The following SEMA3A variants were observed in gnomAD, a reference collection of about 807,000 sequenced individuals.
The protein encoded by SEMA3A is semaphorin 3A.
SEMA3A carries 29 observed loss-of-function variants against 97.9 expected under a neutral mutation model. The ratio of observed to expected loss-of-function variants is 0.30; its 90% CI spans 0.22 to 0.40. The LOEUF is 0.40. Among genes scored for constraint, SEMA3A ranks in the 10% least tolerant of loss-of-function variants. The probability of loss-of-function intolerance (pLI) is 1.00; values close to 1 mark genes in which losing one functional copy is unlikely to be tolerated. For synonymous variants in SEMA3A, 321 were observed against 323.7 expected, an observed-to-expected ratio of 0.99 and a Z score of 0.09; for missense variants, 763 against 951.3, an observed-to-expected ratio of 0.80 and a Z score of 2.60.
Position 83,959,282 on chromosome 7 carries a change from CA to C in SEMA3A, c.*2088del, listed in dbSNP as rs1413040954. ...ATCGCAAATAAATTTATTTCAGCTG[CA>C]AATTTAGAATGAAACACAACACTGA... On this transcript the variant is annotated 3_prime_UTR_variant, in exon 17 of 17. Transcript: ENST00000265362. The C allele has an allele frequency of 6.6e-6, 1 of 151,978 alleles. No homozygotes were observed. Among genetic ancestry groups the C allele is most frequent in the African/African-American group, 2.4e-5 (1 of 41,404 alleles). The allele number at this position is 151,978 out of a possible 1,614,324, so 9.4% of individuals were successfully genotyped here. A position where few individuals can be genotyped will look rare whatever the true frequency, so the allele number is the denominator to read the frequency against.
chr7:84,045,441 G>A (rs1008891798), intron 6 of SEMA3A, among the ~76,000 whole-genome samples: 1 of 151,298 alleles, frequency 6.6e-6, no homozygotes, highest in Non-Finnish European at 1.5e-5. Context: ...AGATAATTAA[G>A]TAATGATAAA....
intron 1 of SEMA3A, among the ~76,000 whole-genome samples, chr7:84,461,926 G>T (rs1323950513): frequency 6.6e-6 from 1 of 152,056 alleles, no homozygotes; most frequent in East Asian, 1.9e-4. Flanking sequence ...TCAGTAGTAG[G>T]ATTTGGAGGT....
At chr7:83,965,221 G>A (rs1010900434) in intron 15 of SEMA3A, among the ~76,000 whole-genome samples, 2 of 151,770 alleles carry the variant, frequency 1.3e-5, no homozygotes, top group African/African-American at 2.4e-5. Context: ...TTACAGGCAT[G>A]AGCCACCGCG....
chr7:84,418,989 A>T (rs987456201), intron 1 of SEMA3A, among the ~76,000 whole-genome samples: 10 of 152,040 alleles, frequency 6.6e-5, no homozygotes, highest in Non-Finnish European at 1.5e-4. Flanking sequence ...ACATACATAC[A>T]TATCTTATTG....
intron 12 of SEMA3A, among the ~76,000 whole-genome samples, chr7:83,995,339 C>G (rs746201436): frequency 6.6e-6 from 1 of 152,000 alleles, no homozygotes; most frequent in Non-Finnish European, 1.5e-5. Context: ...TTGGCTCCTC[C>G]CCCCAATAAA....
intron 4 of SEMA3A, among the ~76,000 whole-genome samples, chr7:84,064,298 C>G (rs1005735165): frequency 1.4e-4 from 22 of 152,036 alleles, no homozygotes; most frequent in African/African-American, 5.1e-4. Flanking sequence ...ACAACTGGTA[C>G]CAGCCACTGC....
intron 15 of SEMA3A, among the ~76,000 whole-genome samples, chr7:83,970,487 T>A (rs969822762): frequency 6.6e-6 from 1 of 152,162 alleles, no homozygotes; most frequent in Non-Finnish European, 1.5e-5. Flanking sequence ...CCCATAAATG[T>A]CTCGCAAGAT....
chr7:84,417,119 G>A (rs1321715415), intron 1 of SEMA3A, among the ~76,000 whole-genome samples: 2 of 151,966 alleles, frequency 1.3e-5, no homozygotes, highest in Admixed American at 1.3e-4. Flanking sequence ...CTTAATTCCA[G>A]TTCAGAGCAA....
At chr7:84,296,475 C>T (rs1453711148) in intron 3 of SEMA3A, among the ~76,000 whole-genome samples, 1 of 152,128 alleles carries the variant, frequency 6.6e-6, no homozygotes, top group East Asian at 1.9e-4. Flanking sequence ...CATCAGGTCT[C>T]ATTGCTTTCT....
chr7:84,006,584 C>T (rs115830862), intron 10 of SEMA3A, among the ~76,000 whole-genome samples: 229 of 152,172 alleles, frequency 1.5e-3, no homozygotes, highest in African/African-American at 5.0e-3. Flanking sequence ...AAGATTTCAC[C>T]GTCTCCTTTC....
intron 3 of SEMA3A, among the ~76,000 whole-genome samples, chr7:84,240,142 T>C (rs1381228945): frequency 1.3e-5 from 2 of 152,150 alleles, no homozygotes; most frequent in African/African-American, 4.8e-5. Flanking sequence ...TAGTCTATAG[T>C]ATATTCAAAT....
At chr7:84,469,851 A>C (rs1461852293) in intron 1 of SEMA3A, among the ~76,000 whole-genome samples, 1 of 152,010 alleles carries the variant, frequency 6.6e-6, no homozygotes, top group Non-Finnish European at 1.5e-5. Flanking sequence ...TACATATAAT[A>C]AGACTAATGA....
At chr7:84,130,723 T>G (rs1168254739) in intron 2 of SEMA3A, among the ~76,000 whole-genome samples, 1 of 152,084 alleles carries the variant, frequency 6.6e-6, no homozygotes, top group Non-Finnish European at 1.5e-5. Flanking sequence ...TCTATTTTTA[T>G]TTAAAGTTTA....
At chr7:84,054,743 G>T (rs1264013290) in intron 5 of SEMA3A, among the ~76,000 whole-genome samples, 4 of 147,018 alleles carry the variant, frequency 2.7e-5, no homozygotes, top group Non-Finnish European at 6.0e-5. Context: ...TCCGTTGCTG[G>T]TGAGGAACTG....
chr7:84,185,253 G>C (rs190546257), intron 1 of SEMA3A, among the ~76,000 whole-genome samples: 2 of 152,176 alleles, frequency 1.3e-5, no homozygotes, highest in East Asian at 3.9e-4. Context: ...CAAAATTCCA[G>C]AAGTGACTTT....
chr7:84,340,871 AT>A (rs1802150598), intron 2 of SEMA3A, among the ~76,000 whole-genome samples: 2 of 152,024 alleles, frequency 1.3e-5, no homozygotes, highest in Non-Finnish European at 2.9e-5. Context: ...ACTCTGAGGC[AT>A]TTATTTACAT....
At chr7:84,212,559 A>G (rs1202858768) in intron 3 of SEMA3A, among the ~76,000 whole-genome samples, 1 of 152,204 alleles carries the variant, frequency 6.6e-6, no homozygotes, top group Non-Finnish European at 1.5e-5. Context: ...ACTATTCATT[A>G]TACTAGTCAA....
chr7:84,222,771 A>G (rs573703027), intron 3 of SEMA3A, among the ~76,000 whole-genome samples: 1 of 152,036 alleles, frequency 6.6e-6, no homozygotes, highest in South Asian at 2.1e-4. Flanking sequence ...TCATTATTCA[A>G]GCACATAATG....
chr7:84,160,274 TATC>T (rs1403601699), intron 1 of SEMA3A, among the ~76,000 whole-genome samples: 36 of 126,378 alleles, frequency 2.8e-4, no homozygotes, highest in Non-Finnish European at 5.1e-5. Context: ...TCTATCTATC[TATC>T]GTTAGTTCGT....
Sources: allele counts gnomAD v4.1 joint callset (sites outside exome capture counted in the v4.1 genomes callset), GRCh38; gene constraint gnomAD v4.1.1; transcripts MANE v1.5; gene names NCBI Gene and HGNC (gene_info 2026-07-23, HGNC 2026-07-21).